KNSTRN: variants seen among roughly 807,000 people sequenced by gnomAD.
KNSTRN encodes the protein kinetochore localized astrin (SPAG5) binding protein.
In KNSTRN, 38 loss-of-function variants were observed where a neutral mutation model predicts 44.7. That is an observed-to-expected ratio of 0.85 (90% CI 0.66 to 1.11). The LOEUF is 1.11. Ranked by LOEUF, KNSTRN falls within the 50% of genes most tolerant of loss-of-function variation. KNSTRN has a pLI of 0.00. For synonymous variants in KNSTRN, 158 were observed against 148.1 expected, an observed-to-expected ratio of 1.07 and a Z score of -0.48; for missense variants, 406 against 375.8, an observed-to-expected ratio of 1.08 and a Z score of -0.66.
At chr15:40,389,389 G>A (rs1480971429) in intron 4 of KNSTRN, 117 bp from the exon 5 acceptor site, 2 of 694,348 alleles carry the variant, frequency 2.9e-6, no homozygotes, top group East Asian at 2.6e-5. Flanking sequence ...GACCTCAGGT[G>A]ATCTGCCTGC....
chr15:40,391,439 T>C (rs1163273170), intron 6 of KNSTRN, 54 bp from the exon 7 acceptor site: 1 of 1,414,184 alleles, frequency 7.1e-7, no homozygotes, highest in Non-Finnish European at 1.0e-6. Flanking sequence ...TTTATTTTCT[T>C]TTGTTTAGGG....
chr15:40,393,110 T>G (rs1890029772), intron 8 of KNSTRN: 1 of 1,422,184 alleles, frequency 7.0e-7, no homozygotes, highest in African/African-American at 1.4e-5. Context: ...TTGAGAACTA[T>G]ATGTAATCCA....
intron 4 of KNSTRN, 67 bp downstream of exon 4, chr15:40,387,273 A>T (rs375077421): frequency 2.2e-5 from 28 of 1,253,070 alleles, no homozygotes; most frequent in East Asian, 2.1e-4. Context: ...TTGGTTCTGC[A>T]TCAGAATCAT....
intron 6 of KNSTRN, 50 bp downstream of exon 6, chr15:40,389,979 C>A: frequency 6.9e-7 from 1 of 1,451,566 alleles, no homozygotes; most frequent in Non-Finnish European, 9.7e-7. Context: ...GGTGCATGTG[C>A]CCCTTCCGGG....
At chr15:40,393,037 A>G (rs1258442865) in intron 8 of KNSTRN, among the ~76,000 whole-genome samples, 1 of 152,110 alleles carries the variant, frequency 6.6e-6, no homozygotes, top group African/African-American at 2.4e-5. Context: ...GGCTTCTTGC[A>G]AATGTTCACA....
intron 2 of KNSTRN, 56 bp from the exon 3 acceptor site, chr15:40,386,306 G>C (rs528215668): frequency 7.0e-6 from 11 of 1,571,916 alleles, no homozygotes; most frequent in South Asian, 1.2e-5. Flanking sequence ...TTTGTTACAG[G>C]GTTGCAACTG....
chr15:40,382,914 C>T lies in KNSTRN; in HGVS notation c.79C>T (p.Leu27Phe). ...GTCTACAGAGTGCGATTCCCACCCA[C>T]TTCCGCCTAGCTACCGGAAGTTTCT... ...WLSTECDSHP[L>F]PPSYRKFLFE... Residue 27 changes from leucine (L) to phenylalanine (F), a missense_variant, in exon 1 of 9, where the codon CTT becomes TTT. Transcript: ENST00000249776. 1 of 1,612,328 alleles carries T rather than the reference C, an allele frequency of 6.2e-7. No individual in the cohort carries two copies. The highest frequency in any genetic ancestry group is 8.5e-7 in the Non-Finnish European group (1 of 1,180,038).
chr15:40,383,411 G>A lies in KNSTRN; in HGVS notation c.304+89G>A, dbSNP rs1889849726. 5.0e-6 allele frequency: 5 copies of A among 995,930 alleles called. No individual in the cohort carries two copies. The South Asian group carries it at 5.8e-5, about 11-fold the overall frequency. 61.7% of individuals were successfully genotyped at this position (995,930 alleles called of 1,614,324 possible). On this transcript the variant is annotated intron_variant, in intron 2 of 8. Coordinates refer to ENST00000249776, the MANE Select transcript of KNSTRN (RefSeq NM_033286.4). The stretch of plus-strand genomic sequence containing the variant: ...GATCGAATGGGTGGCGCGGGCACGG[G>A]GAAGGGCGTCCCGTCGGCCCTGAAA...
intron 2 of KNSTRN, chr15:40,384,290 C>G (rs556099452): frequency 9.6e-6 from 3 of 313,752 alleles, no homozygotes; most frequent in Non-Finnish European, 1.9e-5. Flanking sequence ...AGGAGAATGG[C>G]GTGAACCCGG....
intron 8 of KNSTRN, among the ~76,000 whole-genome samples, chr15:40,393,025 G>A (rs1242914018): frequency 2.6e-5 from 4 of 151,056 alleles, no homozygotes; most frequent in African/African-American, 7.3e-5. Flanking sequence ...TTCTGTTACC[G>A]AGGCTTCTTG....
intron 2 of KNSTRN, chr15:40,383,523 G>A (rs1889851729): frequency 3.5e-6 from 2 of 563,558 alleles, no homozygotes; most frequent in Non-Finnish European, 6.4e-6. Flanking sequence ...GACGTGCTCT[G>A]CACTTTTCTG....
At chr15:40,389,757 C>G in intron 5 of KNSTRN, 79 bp from the exon 6 acceptor site, 1 of 1,454,686 alleles carries the variant, frequency 6.9e-7, no homozygotes. Context: ...CTATGGCTGT[C>G]CAAGAGCAAG....
chr15:40,389,645 C>T (rs921560025), intron 5 of KNSTRN, 34 bp downstream of exon 5: 12 of 1,496,990 alleles, frequency 8.0e-6, no homozygotes, highest in Non-Finnish European at 1.1e-5. Context: ...TTACCAGCTG[C>T]CACTGGGCGA....
At chr15:40,390,235 G>T (rs1889975723) in intron 6 of KNSTRN, among the ~76,000 whole-genome samples, 1 of 152,212 alleles carries the variant, frequency 6.6e-6, no homozygotes, top group South Asian at 2.1e-4. Context: ...CCTTTCAAGG[G>T]AGAACATTTT....
intron 3 of KNSTRN, 28 bp from the exon 4 acceptor site, chr15:40,387,131 A>T (rs1188047648): frequency 6.4e-7 from 1 of 1,569,756 alleles, no homozygotes; most frequent in Admixed American, 1.7e-5. Context: ...TAAGTCTCTG[A>T]TTCATTTCTT....
intron 6 of KNSTRN, 45 bp from the exon 7 acceptor site, chr15:40,391,448 G>A (rs368092703): frequency 4.0e-5 from 59 of 1,476,880 alleles, no homozygotes; most frequent in Non-Finnish European, 5.5e-5. Context: ...TTTTGTTTAG[G>A]GTGTGTAGTT....
Position 40,387,168 on chromosome 15 carries a change from A to G in KNSTRN, c.447A>G (p.Lys149=). ...GTTTCTGCCCTCCTAGGCAAATGAA[A>G]GCTACTGACACTGCCACCAGAAGGA... The part of the protein sequence containing the change: ...TKLRRENGQM[K]ATDTATRRNV... Residue 149 remains lysine (K), a synonymous_variant, in exon 4 of 9, where the codon AAA becomes AAG. Transcript: ENST00000249776. 2 of 1,613,108 alleles carry G rather than the reference A, an allele frequency of 1.2e-6. No homozygotes were observed. The highest frequency in any genetic ancestry group is 1.7e-6 in the Non-Finnish European group (2 of 1,179,126).
At chr15:40,389,075 G>T (rs559189249) in intron 4 of KNSTRN, 5 of 408,512 alleles carry the variant, frequency 1.2e-5, no homozygotes, top group Middle Eastern at 8.2e-4. Context: ...GCAACTCACT[G>T]AAGGTCATAT....
At chr15:40,390,881 CTGGGTTTACAGACATGAGTT>C (rs1566923589) in intron 6 of KNSTRN, among the ~76,000 whole-genome samples, 1 of 152,166 alleles carries the variant, frequency 6.6e-6, no homozygotes, top group Non-Finnish European at 1.5e-5. Flanking sequence ...TCCCAGAGTG[CTGGGTTTACAGACATGAGTT>C]ACCATGCCCA....
Sources: allele counts gnomAD v4.1 joint callset (sites outside exome capture counted in the v4.1 genomes callset), GRCh38; gene constraint gnomAD v4.1.1; transcripts MANE v1.5; gene names NCBI Gene and HGNC (gene_info 2026-07-23, HGNC 2026-07-21).